Variants in HMBOX1 observed in about 807,000 individuals in gnomAD.
HMBOX1 encodes the protein homeobox containing 1, also known as homeobox-containing protein 1.
Under a neutral mutation model 54.5 loss-of-function variants are expected in HMBOX1, and 14 were observed. The observed-to-expected ratio is 0.26, with a 90% CI of 0.17 to 0.40. HMBOX1 has a LOEUF of 0.40. HMBOX1 is among the 10% of genes least tolerant of loss of function. The probability of loss-of-function intolerance (pLI) is 1.00; values close to 1 mark genes in which losing one functional copy is unlikely to be tolerated. For synonymous variants in HMBOX1, 160 were observed against 181.0 expected (o/e 0.88, Z 0.93); for missense variants, 332 against 514.4 (o/e 0.65, Z 3.43).
intron 6 of HMBOX1, among the ~76,000 whole-genome samples, chr8:29,022,074 C>G (rs765227165): frequency 2.0e-5 from 3 of 152,120 alleles, no homozygotes; most frequent in Non-Finnish European, 4.4e-5. Context: ...TCGGCAATAT[C>G]AAGGAAAATT....
intron 6 of HMBOX1, among the ~76,000 whole-genome samples, chr8:29,031,907 T>C (rs902572467): frequency 1.3e-5 from 2 of 151,756 alleles, no homozygotes; most frequent in Non-Finnish European, 2.9e-5. Context: ...GACAGTGGAG[T>C]GGGGTCCTGG....
chr8:28,893,357 C>A (rs982183085), intron 1 of HMBOX1, among the ~76,000 whole-genome samples: 1 of 152,182 alleles, frequency 6.6e-6, no homozygotes, highest in Admixed American at 6.5e-5. Context: ...CTTACAATTT[C>A]ATCCCGTAAC....
Position 28,893,905 on chromosome 8 carries a change from C to T in HMBOX1, c.-58+3227C>T, listed in dbSNP as rs78712436. ...GTTCATTTCATTGTAGCTCTTGCTT[C>T]TCTTATTTTTGTATACAGCTCTTTA... On this transcript the variant is annotated intron_variant, in intron 1 of 9. Coordinates refer to ENST00000287701, the MANE Select transcript of HMBOX1 (RefSeq NM_001135726.3). Among the ~76,000 whole-genome samples the T allele has an allele frequency of 5.7e-3, 869 of 152,266 alleles. 4 individuals are homozygous for T. Among genetic ancestry groups the T allele is most frequent in the African/African-American group, 0.02 (844 of 41,556 alleles).
At chr8:28,893,751 G>C (rs1811507104) in intron 1 of HMBOX1, among the ~76,000 whole-genome samples, 1 of 152,144 alleles carries the variant, frequency 6.6e-6, no homozygotes, top group Admixed American at 6.5e-5. Context: ...GTGTTGATTG[G>C]AATTCTATTG....
In HMBOX1 at chr8:28,983,189, A is replaced by G. The variant is rs374643368; in HGVS notation, c.586+3033A>G. On this transcript the variant is annotated intron_variant, in intron 4 of 9. Coordinates refer to ENST00000287701, the MANE Select transcript of HMBOX1 (RefSeq NM_001135726.3). ...CTTGTTCTTCCTCCTCTTCATTTCT[A>G]CTCCAAAAGCTTGCATTCATCTTCC... 7.9e-5 allele frequency among the ~76,000 whole-genome samples: 12 copies of G among 151,952 alleles called. No individual in the cohort carries two copies. In the South Asian group the frequency reaches 1.7e-3, roughly 21 times the overall value.
At chr8:28,950,412 G>A (rs919281035) in intron 1 of HMBOX1, among the ~76,000 whole-genome samples, 1 of 152,222 alleles carries the variant, frequency 6.6e-6, no homozygotes, top group African/African-American at 2.4e-5. Context: ...CATTTGTACT[G>A]TAATTCAGTA....
At chr8:28,945,976 G>A (rs1393294743) in intron 1 of HMBOX1, among the ~76,000 whole-genome samples, 10 of 144,436 alleles carry the variant, frequency 6.9e-5, no homozygotes, top group African/African-American at 2.6e-4. Flanking sequence ...TTATTGAGAC[G>A]GAGTCTTGCT....
At chr8:28,963,743 T>C in intron 1 of HMBOX1, 68 bp from the exon 2 acceptor site, 1 of 649,492 alleles carries the variant, frequency 1.5e-6, no homozygotes, top group African/African-American at 1.8e-5. Context: ...ATCAGTTACA[T>C]AATTAAAATT....
At chr8:29,009,742 T>A (rs1261362964) in intron 5 of HMBOX1, 34 of 1,285,992 alleles carry the variant, frequency 2.6e-5, no homozygotes, top group Non-Finnish European at 3.4e-5. Flanking sequence ...CAGAATGAAA[T>A]CTTAAGAAAA....
intron 3 of HMBOX1, among the ~76,000 whole-genome samples, chr8:28,973,812 T>TTTTTTTTTTTTTTTG (rs1827880873): frequency 3.8e-5 from 1 of 26,060 alleles, no homozygotes; most frequent in African/African-American, 1.3e-4. Context: ...AGTTTTTTTT[T>TTTTTTTTTTTTTTTG]TTTTTTTTTT....
intron 4 of HMBOX1, among the ~76,000 whole-genome samples, chr8:28,986,881 C>A (rs1351236215): frequency 6.6e-6 from 1 of 151,996 alleles, no homozygotes; most frequent in African/African-American, 2.4e-5. Flanking sequence ...AGGAAAAAAA[C>A]CAGCCTTCAC....
chr8:28,906,510 G>A (rs914510507), intron 1 of HMBOX1, among the ~76,000 whole-genome samples: 1 of 152,098 alleles, frequency 6.6e-6, no homozygotes, highest in African/African-American at 2.4e-5. Flanking sequence ...TTAATTTTAT[G>A]TCCATTTCCT....
intron 6 of HMBOX1, among the ~76,000 whole-genome samples, chr8:29,039,973 T>C (rs1298016258): frequency 3.3e-5 from 5 of 152,130 alleles, no homozygotes; most frequent in Non-Finnish European, 7.4e-5. Flanking sequence ...TTGCCTTCTG[T>C]TTTTCAAGTA....
chr8:28,959,471 C>G (rs772321074), intron 1 of HMBOX1, among the ~76,000 whole-genome samples: 1 of 152,064 alleles, frequency 6.6e-6, no homozygotes, highest in African/African-American at 2.4e-5. Context: ...GTAATATTCT[C>G]GGACCATGGT....
chr8:29,021,391 T>TA (rs2133035659), intron 6 of HMBOX1, among the ~76,000 whole-genome samples: 1 of 151,614 alleles, frequency 6.6e-6, no homozygotes, highest in East Asian at 1.9e-4. Context: ...TTACATAAAT[T>TA]AAAAGAAAAA....
At chr8:28,928,479 A>G (rs537942218) in intron 1 of HMBOX1, among the ~76,000 whole-genome samples, 102 of 152,322 alleles carry the variant, frequency 6.7e-4, no homozygotes, top group Non-Finnish European at 1.2e-3. Context: ...AAAAATTACA[A>G]ACAGAATGAC....
At chr8:28,984,711 G>A (rs1829919448) in intron 4 of HMBOX1, among the ~76,000 whole-genome samples, 2 of 152,278 alleles carry the variant, frequency 1.3e-5, no homozygotes, top group Middle Eastern at 3.4e-3. Context: ...TTAGTAATAA[G>A]CACATGTATT....
chr8:28,911,840 G>A (rs1297325807), intron 1 of HMBOX1, among the ~76,000 whole-genome samples: 8 of 152,210 alleles, frequency 5.3e-5, no homozygotes, highest in African/African-American at 1.2e-4. Flanking sequence ...TTTGGAACCA[G>A]CCCACTGCAG....
intron 1 of HMBOX1, among the ~76,000 whole-genome samples, chr8:28,924,975 A>G (rs1162823064): frequency 1.3e-5 from 2 of 150,520 alleles, no homozygotes; most frequent in African/African-American, 2.4e-5. Flanking sequence ...TATGAATTAC[A>G]TATAAGAGCA....
Sources: allele counts gnomAD v4.1 joint callset (sites outside exome capture counted in the v4.1 genomes callset), GRCh38; gene constraint gnomAD v4.1.1; transcripts MANE v1.5; gene names NCBI Gene and HGNC (gene_info 2026-07-23, HGNC 2026-07-21).